Variants in STRN observed in about 807,000 individuals in gnomAD.
STRN encodes the protein protein phosphatase 2 regulatory subunit B'''alpha.
STRN carries 53 observed loss-of-function variants against 96.3 expected under a neutral mutation model. The ratio of observed to expected loss-of-function variants is 0.55; its 90% CI spans 0.44 to 0.69. The LOEUF is 0.69. Ranked by LOEUF, STRN falls within the 30% of genes least tolerant of loss-of-function variation. The pLI, the probability that STRN is intolerant of heterozygous loss-of-function variation, is 0.00. For missense variants in STRN, 987 were observed against 963.9 expected, an observed-to-expected ratio of 1.02 and a Z score of -0.32; for synonymous variants, 428 against 355.9, an observed-to-expected ratio of 1.20 and a Z score of -2.28.
intron 1 of STRN, among the ~76,000 whole-genome samples, chr2:36,945,170 G>A (rs1157465433): frequency 2.6e-5 from 4 of 151,908 alleles, no homozygotes; most frequent in Non-Finnish European, 4.4e-5. Context: ...AATAAAAAAC[G>A]TGTAGGAAAA....
At chr2:36,909,862 T>A (rs550687677) in intron 3 of STRN, among the ~76,000 whole-genome samples, 11 of 151,752 alleles carry the variant, frequency 7.2e-5, no homozygotes, top group African/African-American at 2.6e-4. Flanking sequence ...TCAGAAATAA[T>A]GCCTATGAGC....
At chr2:36,861,539 C>G (rs925680011) in intron 12 of STRN, among the ~76,000 whole-genome samples, 13 of 151,988 alleles carry the variant, frequency 8.6e-5, no homozygotes, top group Non-Finnish European at 1.6e-4. Flanking sequence ...CAAAACAAAA[C>G]AAAAAACAAG....
At chr2:36,963,676 G>C (rs1473401607) in intron 1 of STRN, among the ~76,000 whole-genome samples, 2 of 152,136 alleles carry the variant, frequency 1.3e-5, no homozygotes, top group East Asian at 3.8e-4. Context: ...TAGTGTCCTT[G>C]GCCGGGCACA....
intron 2 of STRN, among the ~76,000 whole-genome samples, chr2:36,921,244 T>C (rs1670247385): frequency 6.6e-6 from 1 of 152,184 alleles, no homozygotes; most frequent in African/African-American, 2.4e-5. Context: ...ATTTTCAGTA[T>C]ACAACTTACT....
At chr2:36,865,042 T>C (rs554486510) in intron 12 of STRN, among the ~76,000 whole-genome samples, 1 of 152,288 alleles carries the variant, frequency 6.6e-6, no homozygotes, top group South Asian at 2.1e-4. Flanking sequence ...TGGAATAGTT[T>C]TAGTAGGAAT....
intron 1 of STRN, among the ~76,000 whole-genome samples, chr2:36,955,771 CT>C (rs550775801): frequency 8.3e-4 from 126 of 152,278 alleles, no homozygotes; most frequent in African/African-American, 2.9e-3. Flanking sequence ...TTGAGTACCG[CT>C]TATATGAAAT....
chr2:36,837,992 T>TG lies in STRN; in HGVS notation c.*11463dup, dbSNP rs1667860099. 6.6e-6 allele frequency among the ~76,000 whole-genome samples: 1 copy of TG among 152,178 alleles called. No individual in the cohort carries two copies. Among genetic ancestry groups the TG allele is most frequent in the Non-Finnish European group, 1.5e-5 (1 of 68,020 alleles). ...AACTCTGCCCCTCATGTTACTTCCATGGTTGATGTTACATTGCAGGGCAGA... is the reference window on the plus strand; with the variant it reads ...AACTCTGCCCCTCATGTTACTTCCATGGGTTGATGTTACATTGCAGGGCAGA... On this transcript the variant is annotated 3_prime_UTR_variant, in exon 18 of 18. Transcript: ENST00000263918.
rs114020952 is a variant in STRN, at chr2:36,949,766, C to T, written c.234+16464G>A. 6.0e-3 allele frequency among the ~76,000 whole-genome samples: 913 copies of T among 152,062 alleles called. 16 individuals are homozygous for T. The highest frequency in any genetic ancestry group is 0.021 in the African/African-American group (866 of 41,484). On this transcript the variant is annotated intron_variant, in intron 1 of 17. Coordinates refer to ENST00000263918, the MANE Select transcript of STRN (RefSeq NM_003162.4). ...GGAAAAGGATTTTAGAAAGGATGAT[C>T]GAGTTTCAAGTTATAGTAGGTCATC...
At position 36,860,973 on chromosome 2, in the gene STRN, T is replaced by G. The variant is rs72857703; in HGVS notation, c.1669+159A>C. 2.2e-3 allele frequency among the ~76,000 whole-genome samples: 331 copies of G among 152,338 alleles called. 1 individual carries two copies. Among genetic ancestry groups the G allele is most frequent in the African/African-American group, 7.3e-3 (303 of 41,588 alleles). ...CTTCTTTTAGCATTGTATATCAAGT[T>G]AATTCCTAAATACAGAAGTCCTTTT... On this transcript the variant is annotated intron_variant, in intron 13 of 17. Transcript: ENST00000263918.
In STRN at chr2:36,894,049, G is replaced by T. The variant is rs1229670036; in HGVS notation, c.796-16C>A. ...TCCTAACAATCTAATGAAAAAACAT[G>T]CTAAATTAAATAAAGGAGATAGTTT... On this transcript the variant is annotated splice_polypyrimidine_tract_variant and intron_variant, in intron 6 of 17. Transcript: ENST00000263918. 9.4e-6 allele frequency: 15 copies of T among 1,604,058 alleles called. No individual in the cohort carries two copies. The highest frequency in any genetic ancestry group is 1.3e-5 in the Non-Finnish European group (15 of 1,177,550).
rs572801696 is a variant in STRN at position 36,865,056 on chromosome 2, G to A, written c.1547+2758C>T. ...CTGGAATAGTTTTAGTAGGAATGGC[G>A]CCAGTTGTTCTTTATGCGTTAGGTA... On this transcript the variant is annotated intron_variant, in intron 12 of 17. Transcript: ENST00000263918. Among the ~76,000 whole-genome samples the A allele has an allele frequency of 1.3e-3, 194 of 152,258 alleles. 1 individual carries two copies. Among genetic ancestry groups the A allele is most frequent in the Non-Finnish European group, 2.3e-3 (156 of 67,994 alleles).
In STRN at chr2:36,868,338, T is replaced by C. The variant is rs549036057; in HGVS notation, c.1500-477A>G. Among the ~76,000 whole-genome samples, 6 of 152,308 alleles carry C rather than the reference T, an allele frequency of 3.9e-5. No homozygotes were observed. The East Asian group carries it at 1.2e-3, about 29-fold the overall frequency. ...ACACCCCAGGACACAATCATGCACATAGTAGGATATCAGCAAATGGTACTT... is the reference window on the plus strand; with the variant it reads ...ACACCCCAGGACACAATCATGCACACAGTAGGATATCAGCAAATGGTACTT... On this transcript the variant is annotated intron_variant, in intron 11 of 17. Transcript: ENST00000263918.
intron 10 of STRN, 72 bp from the exon 11 acceptor site, chr2:36,869,801 T>G: frequency 8.0e-7 from 1 of 1,251,008 alleles, no homozygotes; most frequent in Non-Finnish European, 1.1e-6. Context: ...CATTTCAACA[T>G]TAATTCTTGC....
In STRN at chr2:36,849,355, A is replaced by C. The variant is rs62132520; in HGVS notation, c.*101T>G. 144,601 of 1,365,800 alleles carry C rather than the reference A, an allele frequency of 0.11. 13,565 individuals are homozygous for C. The highest frequency in any genetic ancestry group is 0.58 in the East Asian group (24,682 of 42,810). 84.6% of individuals were successfully genotyped at this position (1,365,800 alleles called of 1,614,324 possible). ...ATGTTCTCTGTGCTCCTTCAGCAGA[A>C]CAAAAGGGCAGGACGAGATGATTCT... On this transcript the variant is annotated 3_prime_UTR_variant, in exon 18 of 18. Coordinates refer to ENST00000263918, the MANE Select transcript of STRN (RefSeq NM_003162.4).
Position 36,847,673 on chromosome 2 carries a change from C to G in STRN, c.*1783G>C, listed in dbSNP as rs1052330320. On this transcript the variant is annotated 3_prime_UTR_variant, in exon 18 of 18. Transcript: ENST00000263918. ...GTATGAAAATCAGGCAAATTTAGCA[C>G]AAGTCTCTAGCTTTAAAGAAAATTT... 1 of 152,104 alleles carries G rather than the reference C, an allele frequency of 6.6e-6. No homozygotes were observed. The highest frequency in any genetic ancestry group is 1.5e-5 in the Non-Finnish European group (1 of 68,012). The allele number at this position is 152,104 out of a possible 1,614,324, so 9.4% of individuals were successfully genotyped here. A position where few individuals can be genotyped will look rare whatever the true frequency, so the allele number is the denominator to read the frequency against.
At chr2:36,866,714 T>A (rs1169621830) in intron 12 of STRN, among the ~76,000 whole-genome samples, 1 of 152,194 alleles carries the variant, frequency 6.6e-6, no homozygotes, top group Non-Finnish European at 1.5e-5. Context: ...GCTCCTATGT[T>A]GGGTAAATAT....
intron 15 of STRN, among the ~76,000 whole-genome samples, chr2:36,852,021 T>A (rs1486948180): frequency 6.6e-6 from 1 of 152,200 alleles, no homozygotes; most frequent in African/African-American, 2.4e-5. Context: ...TAAGCCTATA[T>A]TACAGTGAAC....
chr2:36,856,697 C>G (rs1457916879), intron 14 of STRN, among the ~76,000 whole-genome samples: 1 of 152,146 alleles, frequency 6.6e-6, no homozygotes, highest in Non-Finnish European at 1.5e-5. Context: ...AATGTTCTAT[C>G]TCTCATACGG....
intron 9 of STRN, among the ~76,000 whole-genome samples, chr2:36,878,903 C>T (rs1167725681): frequency 1.3e-5 from 2 of 151,392 alleles, no homozygotes; most frequent in African/African-American, 2.4e-5. Flanking sequence ...CAGGTGCGTG[C>T]CACCACATCT....
Sources: allele counts gnomAD v4.1 joint callset (sites outside exome capture counted in the v4.1 genomes callset), GRCh38; gene constraint gnomAD v4.1.1; transcripts MANE v1.5; gene names NCBI Gene and HGNC (gene_info 2026-07-23, HGNC 2026-07-21).